The following USP34 variants were observed in gnomAD, a reference collection of about 807,000 sequenced individuals.
USP34 encodes ubiquitin specific peptidase 34, also known as ubiquitin carboxyl-terminal hydrolase 34.
A neutral mutation model predicts 460.3 loss-of-function variants in USP34; 70 were observed. The observed-to-expected ratio is 0.15, with a 90% CI of 0.13 to 0.19. USP34 has a LOEUF of 0.19. Ranked by LOEUF, USP34 falls within the 10% of genes least tolerant of loss-of-function variation. The pLI, the probability that USP34 is intolerant of heterozygous loss-of-function variation, is 1.00. For missense variants in USP34, 3,985 were observed against 4,236.2 expected (o/e 0.94, Z 1.65); for synonymous variants, 1,647 against 1,405.3 (o/e 1.17, Z -3.85).
At chr2:61,439,719 T>A (rs532379537) in intron 1 of USP34, among the ~76,000 whole-genome samples, 12 of 152,150 alleles carry the variant, frequency 7.9e-5, no homozygotes, top group Non-Finnish European at 1.6e-4. Flanking sequence ...CTTGCTGACC[T>A]GTGACCCTTG....
intron 58 of USP34, 89 bp from the exon 59 acceptor site, chr2:61,229,722 C>T: frequency 1.8e-6 from 2 of 1,121,400 alleles, no homozygotes; most frequent in Non-Finnish European, 2.6e-6. Flanking sequence ...TCTCTGCCAC[C>T]CATTTATAGT....
intron 43 of USP34, among the ~76,000 whole-genome samples, chr2:61,263,574 T>C (rs1467968305): frequency 1.3e-5 from 2 of 151,488 alleles, no homozygotes; most frequent in Non-Finnish European, 2.9e-5. Flanking sequence ...CTCCGCCTCC[T>C]GGGTTCAAGG....
intron 16 of USP34, 64 bp from the exon 17 acceptor site, chr2:61,339,745 A>T: frequency 1.2e-6 from 1 of 830,152 alleles, no homozygotes; most frequent in South Asian, 4.1e-5. Context: ...TATAGCATTC[A>T]TATGGTTAGC....
Position 61,339,669 on chromosome 2 carries a change from T to G in USP34, c.2513A>C (p.His838Pro), listed in dbSNP as rs1356719475. The G allele has an allele frequency of 1.3e-6, 2 of 1,518,784 alleles. No individual in the cohort carries two copies. The highest frequency in any genetic ancestry group is 4.8e-5 in the Admixed American group (2 of 42,086). 94.1% of individuals were successfully genotyped at this position (1,518,784 alleles called of 1,614,324 possible). ...AGCATTACTGTTGAATTGATGTTTA[T>G]GAACTACAGGTCCTGAAGAGAAAAA... Reference protein sequence around the residue: ...HEHLSQGPVVHKHQFNSNAVT... With the variant: ...HEHLSQGPVVPKHQFNSNAVT... The change falls in exon 17 of 80, where the codon CAT becomes CCT. Residue 838 changes from histidine to proline, a missense_variant. By Grantham distance (77) the His-to-Pro change is moderately conservative. Coordinates refer to ENST00000398571, the MANE Select transcript of USP34 (RefSeq NM_014709.4).
intron 16 of USP34, among the ~76,000 whole-genome samples, chr2:61,342,657 A>C (rs1372918693): frequency 6.6e-6 from 1 of 151,950 alleles, no homozygotes; most frequent in Non-Finnish European, 1.5e-5. Flanking sequence ...GTATCTGATC[A>C]ACACTTTTGC....
intron 1 of USP34, among the ~76,000 whole-genome samples, chr2:61,469,958 A>G (rs1332477549): frequency 1.3e-5 from 2 of 152,244 alleles, no homozygotes; most frequent in Non-Finnish European, 2.9e-5. Flanking sequence ...GAGATAGGCC[A>G]TAACTATCCC....
intron 5 of USP34, among the ~76,000 whole-genome samples, chr2:61,390,597 A>C (rs1196642941): frequency 6.6e-6 from 1 of 152,234 alleles, no homozygotes; most frequent in Non-Finnish European, 1.5e-5. Flanking sequence ...TAAAACTCAG[A>C]GCTAGTTAAG....
chr2:61,339,689 G>GAAAA lies in USP34; in HGVS notation c.2501-12_2501-9dup, dbSNP rs369130574. 3.0e-6 allele frequency: 3 copies of GAAAA among 1,001,512 alleles called. No individual in the cohort carries two copies. The highest frequency in any genetic ancestry group is 2.6e-6 in the Non-Finnish European group (2 of 758,920). The allele number at this position is 1,001,512 out of a possible 1,614,324, so 62.0% of individuals were successfully genotyped here. A position where few individuals can be genotyped will look rare whatever the true frequency, so the allele number is the denominator to read the frequency against. ...GTTTATGAACTACAGGTCCTGAAGA[G>GAAAA]AAAAAAAAAAAAAAGACACACTATA... is the stretch of plus-strand genomic sequence containing the variant. On this transcript the variant is annotated splice_polypyrimidine_tract_variant and intron_variant, in intron 16 of 79. Transcript: ENST00000398571.
chr2:61,405,088 C>T (rs892340215), intron 3 of USP34, among the ~76,000 whole-genome samples: 41 of 151,680 alleles, frequency 2.7e-4, no homozygotes, highest in African/African-American at 9.9e-4. Context: ...TTAAACTTAG[C>T]CAGGTGTGGT....
rs1165521393 is a variant in USP34, at chr2:61,462,755, G to A, written c.43+7895C>T. Among the ~76,000 whole-genome samples, 8 of 151,810 alleles carry A rather than the reference G, an allele frequency of 5.3e-5. No individual in the cohort carries two copies. In the East Asian group the frequency reaches 1.6e-3, roughly 29 times the overall value. ...ACATGCCTATAATCCCAGCTACTTG[G>A]GAGGGTGAGGCACAAGAACTGCTTG... On this transcript the variant is annotated intron_variant, in intron 1 of 79. Transcript: ENST00000398571.
chr2:61,462,804 G>A (rs1410078396), intron 1 of USP34, among the ~76,000 whole-genome samples: 3 of 150,614 alleles, frequency 2.0e-5, no homozygotes, highest in African/African-American at 7.3e-5. Flanking sequence ...AGAGGGTGCA[G>A]TGAGCCGAGA....
chr2:61,221,669 A>G, intron 65 of USP34, 63 bp from the exon 66 acceptor site: 1 of 1,464,364 alleles, frequency 6.8e-7, no homozygotes, highest in East Asian at 2.3e-5. Context: ...TCAGCAGAGA[A>G]GAAACATATA....
Position 61,206,781 on chromosome 2 carries a change from G to A in USP34, c.9025C>T (p.Arg3009Cys), listed in dbSNP as rs908991149. Residue 3009 changes from arginine to cysteine, a missense_variant, in exon 71 of 80, where the codon CGC becomes TGC. Around this residue, in one of 14 missense-constraint regions of USP34, gnomAD observed 275 missense variants for 292.7 expected, o/e 0.94. Coordinates refer to ENST00000398571, the MANE Select transcript of USP34 (RefSeq NM_014709.4). Reference protein sequence around the residue: ...SIFLSVLKSTRPYLQRKDVKQ... With the variant: ...SIFLSVLKSTCPYLQRKDVKQ... ...AAACCTTTTCTCTGAAGATAAGGGC[G>A]TGTAGACTTCAAAACCGAAAGAAAT... The A allele has an allele frequency of 4.4e-5, 71 of 1,613,528 alleles. No homozygotes were observed. Among genetic ancestry groups the A allele is most frequent in the Non-Finnish European group, 5.6e-5 (66 of 1,179,752 alleles).
At chr2:61,247,033 TCA>T (rs933404883) in intron 49 of USP34, among the ~76,000 whole-genome samples, 1 of 151,744 alleles carries the variant, frequency 6.6e-6, no homozygotes, top group African/African-American at 2.4e-5. Context: ...CAAATATATA[TCA>T]GTTAATAAAA....
intron 1 of USP34, among the ~76,000 whole-genome samples, chr2:61,463,044 A>T (rs1202369022): frequency 1.3e-5 from 2 of 152,120 alleles, no homozygotes; most frequent in East Asian, 3.8e-4. Flanking sequence ...GGGGGGAAAA[A>T]AATTCCAACT....
At chr2:61,454,166 T>G (rs1343495141) in intron 1 of USP34, among the ~76,000 whole-genome samples, 1 of 152,096 alleles carries the variant, frequency 6.6e-6, no homozygotes, top group Non-Finnish European at 1.5e-5. Flanking sequence ...AGAAGGAGTC[T>G]CCCTCTGTCA....
chr2:61,385,770 G>C (rs1170412934), intron 5 of USP34, among the ~76,000 whole-genome samples: 4 of 151,140 alleles, frequency 2.6e-5, no homozygotes, highest in Admixed American at 6.6e-5. Context: ...GAGGTGGGCA[G>C]ATCACCTGAG....
At chr2:61,304,516 A>AT (rs1690340936) in intron 27 of USP34, among the ~76,000 whole-genome samples, 1 of 152,232 alleles carries the variant, frequency 6.6e-6, no homozygotes, top group African/African-American at 2.4e-5. Context: ...AGGTTATTAG[A>AT]TATCAGGCAG....
chr2:61,454,654 A>G (rs1695379297), intron 1 of USP34, among the ~76,000 whole-genome samples: 1 of 151,972 alleles, frequency 6.6e-6, no homozygotes, highest in Admixed American at 6.6e-5. Flanking sequence ...AGTTCAAGTG[A>G]TTCTCCTGCC....
Sources: gnomAD v4.1 joint callset for allele counts (sites outside exome capture counted in the v4.1 genomes callset) on GRCh38, gnomAD v4.1.1 for gene constraint, gnomAD v4.1.1 regional missense constraint, MANE v1.5 for transcripts, NCBI Gene and HGNC (gene_info 2026-07-23, HGNC 2026-07-21) for gene names.